The following MAP2 variants were observed in gnomAD, a reference collection of about 807,000 sequenced individuals.
MAP2 encodes microtubule associated protein 2.
In MAP2, 14 loss-of-function variants were observed where a neutral mutation model predicts 137.6. That is an observed-to-expected ratio of 0.10 (90% CI 0.07 to 0.16). The LOEUF is 0.16. Among genes scored for constraint, MAP2 ranks in the 10% least tolerant of loss-of-function variants. MAP2 has a pLI of 1.00. For synonymous variants in MAP2, 786 were observed against 782.3 expected, an observed-to-expected ratio of 1.00 and a Z score of -0.08; for missense variants, 2,088 against 2,191.5, an observed-to-expected ratio of 0.95 and a Z score of 0.94.
At chr2:209,524,220 CTTAT>C (rs1218885989) in intron 2 of MAP2, among the ~76,000 whole-genome samples, 1 of 152,124 alleles carries the variant, frequency 6.6e-6, no homozygotes, top group Non-Finnish European at 1.5e-5. Context: ...TCCTGTTTAT[CTTAT>C]TTATCCCAAT....
At chr2:209,609,097 G>A (rs1458354947) in intron 3 of MAP2, among the ~76,000 whole-genome samples, 1 of 151,466 alleles carries the variant, frequency 6.6e-6, no homozygotes, top group Non-Finnish European at 1.5e-5. Context: ...AATCAGGAAG[G>A]GTGTTTCATG....
At chr2:209,630,477 G>C (rs1165769510) in intron 4 of MAP2, among the ~76,000 whole-genome samples, 1 of 152,152 alleles carries the variant, frequency 6.6e-6, no homozygotes, top group East Asian at 1.9e-4. Context: ...CTAATAAGCT[G>C]TGATCAATGG....
chr2:209,660,123 T>C (rs2042741708), intron 5 of MAP2, among the ~76,000 whole-genome samples: 1 of 152,038 alleles, frequency 6.6e-6, no homozygotes, highest in Admixed American at 6.5e-5. Flanking sequence ...AATGTAAAGA[T>C]TAAAAGGCAA....
chr2:209,539,308 T>A (rs2066495522), intron 2 of MAP2, among the ~76,000 whole-genome samples: 1 of 152,218 alleles, frequency 6.6e-6, no homozygotes, highest in African/African-American at 2.4e-5. Context: ...GTGAATGCAT[T>A]CTGTATGTAG....
At chr2:209,490,605 CAAAAAAAAAAAAAAAA>C (rs59133937) in intron 1 of MAP2, among the ~76,000 whole-genome samples, 86 of 5,564 alleles carry the variant, frequency 0.015, 4 homozygotes, top group Non-Finnish European at 0.019. Flanking sequence ...AAATGGAAAG[CAAAAAAAAAAAAAAAA>C]AAAAAAAAAA....
At chr2:209,485,528 A>G (rs776834233) in intron 1 of MAP2, among the ~76,000 whole-genome samples, 5 of 152,198 alleles carry the variant, frequency 3.3e-5, no homozygotes, top group Non-Finnish European at 7.3e-5. Context: ...CACTTTGTCA[A>G]GCAAACAATT....
At chr2:209,728,090 T>C (rs1400378205) in intron 14 of MAP2, among the ~76,000 whole-genome samples, 1 of 152,096 alleles carries the variant, frequency 6.6e-6, no homozygotes, top group African/African-American at 2.4e-5. Context: ...GCTATGATCA[T>C]GTCACTTCAC....
In MAP2 at chr2:209,733,148, G is replaced by A. The variant is rs11678041; in HGVS notation, c.*2751G>A. ...CCTTTGAGAACCTGTATAAGAATACGTAAGTAATCCAGAGCTGTGAAGAGT... is the reference window on the plus strand; with the variant it reads ...CCTTTGAGAACCTGTATAAGAATACATAAGTAATCCAGAGCTGTGAAGAGT... On this transcript the variant is annotated 3_prime_UTR_variant, in exon 16 of 16. Transcript: ENST00000682079. 0.01 allele frequency: 1,581 copies of A among 152,660 alleles called. 13 individuals are homozygous for A. Among genetic ancestry groups the A allele is most frequent in the Non-Finnish European group, 0.014 (975 of 68,032 alleles). The allele number at this position is 152,660 out of a possible 1,614,324, so 9.5% of individuals were successfully genotyped here.
chr2:209,524,016 A>G (rs1193159126), intron 2 of MAP2, among the ~76,000 whole-genome samples: 1 of 152,104 alleles, frequency 6.6e-6, no homozygotes, highest in Admixed American at 6.6e-5. Context: ...CCCATTTGCT[A>G]AATACTCAAA....
chr2:209,530,590 C>T (rs192921542), intron 2 of MAP2, among the ~76,000 whole-genome samples: 103 of 152,196 alleles, frequency 6.8e-4, no homozygotes, highest in African/African-American at 1.8e-3. Flanking sequence ...AAGTTGTCTG[C>T]TATTCATGAG....
intron 13 of MAP2, chr2:209,721,888 T>C (rs2071186009): frequency 6.6e-6 from 1 of 152,212 alleles, no homozygotes; most frequent in Admixed American, 6.5e-5. Context: ...TGAGAATCCT[T>C]TAAAGTATTA....
chr2:209,596,070 G>A (rs146669469), intron 3 of MAP2, among the ~76,000 whole-genome samples: 50 of 151,852 alleles, frequency 3.3e-4, no homozygotes, highest in East Asian at 1.6e-3. Flanking sequence ...AAACCTACAC[G>A]TTGTGCACAT....
At chr2:209,665,275 G>A (rs2045805049) in intron 5 of MAP2, among the ~76,000 whole-genome samples, 1 of 152,082 alleles carries the variant, frequency 6.6e-6, no homozygotes, top group Non-Finnish European at 1.5e-5. Context: ...AAAATAATAT[G>A]AAAAGTCCAG....
At chr2:209,704,258 T>A (rs1192525508) in intron 11 of MAP2, among the ~76,000 whole-genome samples, 1 of 152,162 alleles carries the variant, frequency 6.6e-6, no homozygotes, top group Non-Finnish European at 1.5e-5. Context: ...ATTAAGTTAG[T>A]TTTGGCTAAA....
At chr2:209,620,935 C>T (rs1377360149) in intron 3 of MAP2, among the ~76,000 whole-genome samples, 3 of 152,074 alleles carry the variant, frequency 2.0e-5, no homozygotes, top group Admixed American at 1.3e-4. Context: ...TGGCTTACAC[C>T]TGTAATCCTA....
At chr2:209,429,729 T>C (rs1693725673) in intron 1 of MAP2, among the ~76,000 whole-genome samples, 1 of 152,116 alleles carries the variant, frequency 6.6e-6, no homozygotes, top group Non-Finnish European at 1.5e-5. Context: ...GACAAAACCA[T>C]CATTTCAATA....
chr2:209,563,703 G>T (rs1204213966), intron 2 of MAP2, among the ~76,000 whole-genome samples: 1 of 152,226 alleles, frequency 6.6e-6, no homozygotes, highest in Non-Finnish European at 1.5e-5. Flanking sequence ...GGCGCTGGCT[G>T]TGCTGTTCCC....
At chr2:209,713,534 T>A (rs1249250465) in intron 13 of MAP2, among the ~76,000 whole-genome samples, 1 of 152,228 alleles carries the variant, frequency 6.6e-6, no homozygotes, top group African/African-American at 2.4e-5. Context: ...AGATTCAGTG[T>A]AGATAATTAG....
intron 11 of MAP2, 104 bp downstream of exon 11, chr2:209,700,442 G>C: frequency 1.0e-6 from 1 of 961,410 alleles, no homozygotes; most frequent in Non-Finnish European, 1.6e-6. Context: ...ACTCTTAAAA[G>C]TCACTTTAAA....
Sources: gnomAD v4.1 joint callset for allele counts (sites outside exome capture counted in the v4.1 genomes callset) on GRCh38, gnomAD v4.1.1 for gene constraint, MANE v1.5 for transcripts, NCBI Gene and HGNC (gene_info 2026-07-23, HGNC 2026-07-21) for gene names.